Variants in LRP1B observed in about 807,000 individuals in gnomAD.
LRP1B encodes low-density lipoprotein receptor-related protein 1B.
In LRP1B, 217 loss-of-function variants were observed where a neutral mutation model predicts 556.6. The observed-to-expected ratio is 0.39, with a 90% CI of 0.35 to 0.44. The LOEUF (loss-of-function observed/expected upper bound fraction) is 0.44. Ranked by LOEUF, LRP1B falls within the 20% of genes least tolerant of loss-of-function variation. LRP1B has a pLI of 1.00. For synonymous variants in LRP1B, 2,047 were observed against 1,865.8 expected (o/e 1.10, Z -2.50); for missense variants, 5,053 against 5,620.8 (o/e 0.90, Z 3.23).
At chr2:141,336,858 C>G (rs752063131) in intron 3 of LRP1B, among the ~76,000 whole-genome samples, 3 of 152,074 alleles carry the variant, frequency 2.0e-5, no homozygotes, top group Non-Finnish European at 4.4e-5. Context: ...TCAGGAGCAC[C>G]ACGTTATGTC....
intron 2 of LRP1B, among the ~76,000 whole-genome samples, chr2:141,797,146 C>CATATATATATATATAT (rs6146945): frequency 6.3e-5 from 5 of 79,084 alleles, no homozygotes; most frequent in Non-Finnish European, 9.8e-5. Context: ...TGAAAATAAT[C>CATATATATATATATAT]ATATATATAT....
rs143354589 is a variant in LRP1B at position 140,704,558 on chromosome 2, C to T, written c.6024-2005G>A. Among the ~76,000 whole-genome samples, 399 of 152,088 alleles carry T rather than the reference C, an allele frequency of 2.6e-3. 2 individuals carry two copies. The highest frequency in any genetic ancestry group is 4.0e-3 in the Non-Finnish European group (272 of 67,984). On this transcript the variant is annotated intron_variant, in intron 37 of 90. Transcript: ENST00000389484. ...ATTTAAAAATCTACACCTTTATTAACGTCAAGATTTTTAAGACTTTAAGGT... is the reference window on the plus strand; with the variant it reads ...ATTTAAAAATCTACACCTTTATTAATGTCAAGATTTTTAAGACTTTAAGGT...
intron 20 of LRP1B, among the ~76,000 whole-genome samples, chr2:140,940,846 A>C (rs1050933820): frequency 1.3e-5 from 2 of 152,160 alleles, no homozygotes; most frequent in Non-Finnish European, 2.9e-5. Flanking sequence ...TAATCGCCAC[A>C]GTGTCTTCCA....
chr2:141,959,829 G>A (rs1054759567), intron 1 of LRP1B, among the ~76,000 whole-genome samples: 2 of 151,850 alleles, frequency 1.3e-5, no homozygotes, highest in Non-Finnish European at 2.9e-5. Flanking sequence ...ACATGTGGCT[G>A]GTAGCTACTG....
intron 66 of LRP1B, among the ~76,000 whole-genome samples, chr2:140,422,355 T>G (rs1685482274): frequency 6.6e-6 from 1 of 152,174 alleles, no homozygotes; most frequent in Non-Finnish European, 1.5e-5. Flanking sequence ...TTTTATTTGC[T>G]TGTAATCAAA....
Position 140,239,527 on chromosome 2 carries a change from T to G in LRP1B, c.13330A>C (p.Ile4444Leu). Residue 4444 changes from isoleucine to leucine, a missense_variant, in exon 88 of 91, where the codon ATT (isoleucine) becomes CTT (leucine). Ile to Leu is a conservative substitution (Grantham distance 5). Transcript: ENST00000389484. ...AGGACGAGAGGCACAATGATGGCAA[T>G]GCTTCCTGGAAAATAAATGAGTGAA... ...SKSDHISTRS[I>L]AIIVPLVLLV... 6.3e-7 allele frequency: 1 copy of G among 1,598,874 alleles called. No homozygotes were observed. Among genetic ancestry groups the G allele is most frequent in the Non-Finnish European group, 8.5e-7 (1 of 1,169,846 alleles).
At chr2:140,439,231 T>A (rs1211465477) in intron 66 of LRP1B, among the ~76,000 whole-genome samples, 1 of 152,192 alleles carries the variant, frequency 6.6e-6, no homozygotes, top group Non-Finnish European at 1.5e-5. Context: ...AATTGGGATA[T>A]TCTACTTATT....
In LRP1B at chr2:141,021,291, T is replaced by C. The variant is rs190244166; in HGVS notation, c.1790-1189A>G. ...TCAGGAAAAACAGTAAAATTTTCCC[T>C]TGTAACCCTTGTTGCTAATCAACAT... On this transcript the variant is annotated intron_variant, in intron 11 of 90. Transcript: ENST00000389484. Among the ~76,000 whole-genome samples, 690 of 152,116 alleles carry C rather than the reference T, an allele frequency of 4.5e-3. 2 individuals are homozygous for C. Among genetic ancestry groups the C allele is most frequent in the South Asian group, 7.3e-3 (35 of 4,818 alleles).
intron 3 of LRP1B, among the ~76,000 whole-genome samples, chr2:141,433,014 A>G (rs1209219464): frequency 1.3e-5 from 2 of 151,922 alleles, no homozygotes; most frequent in Non-Finnish European, 2.9e-5. Flanking sequence ...TTCTTTCTTA[A>G]TATTGTATAG....
At chr2:140,450,842 G>C (rs1254898539) in intron 62 of LRP1B, among the ~76,000 whole-genome samples, 181 bp from the exon 63 acceptor site, 2 of 152,198 alleles carry the variant, frequency 1.3e-5, no homozygotes, top group African/African-American at 4.8e-5. Flanking sequence ...TCTTCCAGGA[G>C]AGGATACTGC....
rs571438056 is a variant in LRP1B, at chr2:142,094,159, T to C, written c.82+36489A>G. 8.5e-5 allele frequency among the ~76,000 whole-genome samples: 13 copies of C among 152,204 alleles called. No homozygotes were observed. The South Asian group carries it at 2.5e-3, about 29-fold the overall frequency. ...GCTCCACTGCCGTGACTTAATCACCTGCCAAAGGCCCACCTTTTAACACTA... is the reference window on the plus strand; with the variant it reads ...GCTCCACTGCCGTGACTTAATCACCCGCCAAAGGCCCACCTTTTAACACTA... On this transcript the variant is annotated intron_variant, in intron 1 of 90. Coordinates refer to ENST00000389484, the MANE Select transcript of LRP1B (RefSeq NM_018557.3).
At chr2:142,050,181 G>C (rs1004537357) in intron 1 of LRP1B, among the ~76,000 whole-genome samples, 17 of 152,050 alleles carry the variant, frequency 1.1e-4, no homozygotes, top group South Asian at 2.1e-4. Flanking sequence ...TACACACACA[G>C]AGAGAAATTT....
chr2:141,461,063 A>G (rs148229317), intron 3 of LRP1B, among the ~76,000 whole-genome samples: 137 of 152,248 alleles, frequency 9.0e-4, no homozygotes, highest in African/African-American at 3.1e-3. Flanking sequence ...TCATTGGCAC[A>G]TAGATGATCT....
chr2:141,726,508 T>G (rs1278275874), intron 2 of LRP1B, among the ~76,000 whole-genome samples: 1 of 152,034 alleles, frequency 6.6e-6, no homozygotes, highest in Non-Finnish European at 1.5e-5. Context: ...GAAGTTATAG[T>G]GAATTGGGGT....
At chr2:141,048,919 C>G in intron 11 of LRP1B, 67 bp downstream of exon 11, 1 of 1,233,402 alleles carries the variant, frequency 8.1e-7, no homozygotes, top group South Asian at 1.2e-5. Flanking sequence ...CTGACACACA[C>G]TGGATTTATC....
At chr2:141,713,619 T>C (rs899134638) in intron 2 of LRP1B, among the ~76,000 whole-genome samples, 1 of 152,166 alleles carries the variant, frequency 6.6e-6, no homozygotes, top group Admixed American at 6.5e-5. Context: ...AATTCTTTTA[T>C]TACCCTAGTA....
Position 140,796,491 on chromosome 2 carries a change from G to A in LRP1B, c.5359+17166C>T, listed in dbSNP as rs904750864. ...AGTACTTTTCATGTAAATTTTGATA[G>A]GCAATTACTTTTCATTAATGGTGGT... is the stretch of plus-strand genomic sequence containing the variant. On this transcript the variant is annotated intron_variant, in intron 32 of 90. Transcript: ENST00000389484. Among the ~76,000 whole-genome samples, 10 of 152,032 alleles carry A rather than the reference G, an allele frequency of 6.6e-5. 1 individual carries two copies. The highest frequency in any genetic ancestry group is 2.9e-5 in the Non-Finnish European group (2 of 67,948).
intron 7 of LRP1B, among the ~76,000 whole-genome samples, chr2:141,180,712 CA>C (rs1680950743): frequency 6.6e-6 from 1 of 151,726 alleles, no homozygotes; most frequent in Middle Eastern, 3.4e-3. Context: ...TTAAAAAACC[CA>C]AAAAACAAAA....
intron 43 of LRP1B, among the ~76,000 whole-genome samples, chr2:140,563,901 A>G (rs1681029862): frequency 6.6e-6 from 1 of 152,170 alleles, no homozygotes; most frequent in South Asian, 2.1e-4. Context: ...ACAGAAGCCT[A>G]AGGTCTGTTG....
Sources: gnomAD v4.1 joint callset for allele counts (sites outside exome capture counted in the v4.1 genomes callset) on GRCh38, gnomAD v4.1.1 for gene constraint, MANE v1.5 for transcripts, NCBI Gene and HGNC (gene_info 2026-07-23, HGNC 2026-07-21) for gene names.